The following PLEKHA5 variants were observed in gnomAD, a reference collection of about 807,000 sequenced individuals.
PLEKHA5 encodes pleckstrin homology domain containing A5, also known as pleckstrin homology domain-containing family A member 5.
In PLEKHA5, 55 loss-of-function variants were observed where a neutral mutation model predicts 181.9. The observed-to-expected ratio is 0.30, with a 90% CI of 0.24 to 0.38. The LOEUF (loss-of-function observed/expected upper bound fraction) is 0.38, where lower values mean the gene tolerates loss of function less well. Ranked by LOEUF, PLEKHA5 falls within the 10% of genes least tolerant of loss-of-function variation. PLEKHA5 has a pLI of 1.00. For synonymous variants in PLEKHA5, 535 were observed against 529.4 expected, an observed-to-expected ratio of 1.01 and a Z score of -0.15; for missense variants, 1,432 against 1,549.5, an observed-to-expected ratio of 0.92 and a Z score of 1.27.
intron 3 of PLEKHA5, among the ~76,000 whole-genome samples, chr12:19,211,026 G>A (rs1393244075): frequency 6.6e-6 from 1 of 151,988 alleles, no homozygotes; most frequent in Non-Finnish European, 1.5e-5. Context: ...TGTATTTTAA[G>A]GCTTAAGGAG....
Position 19,283,489 on chromosome 12 carries a change from A to C in PLEKHA5, c.1523A>C (p.Gln508Pro), listed in dbSNP as rs753134124. ...TCCATGAGAGATGACACAATGTGGC[A>C]GCTCTACGAATGGCAGCAGCGTCAG... Reference protein sequence around the residue: ...RRSMRDDTMWQLYEWQQRQFY... With the variant: ...RRSMRDDTMWPLYEWQQRQFY... Residue 508 changes from glutamine (Q) to proline (P), a missense_variant, in exon 12 of 32, where the codon CAG (glutamine) becomes CCG (proline). Physicochemically the swap from Gln to Pro is moderately conservative, Grantham distance 76. Coordinates refer to ENST00000429027, the MANE Select transcript of PLEKHA5 (RefSeq NM_001256470.2). The C allele has an allele frequency of 7.4e-6, 12 of 1,614,200 alleles. No individual in the cohort carries two copies. The East Asian group carries it at 2.5e-4, about 33-fold the overall frequency.
chr12:19,297,401 T>A (rs1565581917), intron 15 of PLEKHA5, among the ~76,000 whole-genome samples: 1 of 150,934 alleles, frequency 6.6e-6, no homozygotes, highest in Non-Finnish European at 1.5e-5. Context: ...GGCAGGTGGA[T>A]CATGAGGTCA....
intron 3 of PLEKHA5, among the ~76,000 whole-genome samples, chr12:19,142,989 A>G (rs916439364): frequency 1.3e-5 from 2 of 152,222 alleles, no homozygotes; most frequent in African/African-American, 4.8e-5. Context: ...GAATATGATG[A>G]ATAATATTCC....
At chr12:19,314,560 T>A (rs1364667643) in intron 15 of PLEKHA5, among the ~76,000 whole-genome samples, 1 of 152,148 alleles carries the variant, frequency 6.6e-6, no homozygotes, top group Non-Finnish European at 1.5e-5. Flanking sequence ...GACTATATCA[T>A]GATTATATGT....
At chr12:19,345,778 T>A in intron 22 of PLEKHA5, 64 bp from the exon 23 acceptor site, 1 of 806,074 alleles carries the variant, frequency 1.2e-6, no homozygotes, top group Non-Finnish European at 2.0e-6. Context: ...ACAAAAGAAA[T>A]TGTTCTTTTT....
In PLEKHA5 at chr12:19,232,204, G is replaced by A. The variant is rs553480795; in HGVS notation, c.228-21736G>A. Among the ~76,000 whole-genome samples the A allele has an allele frequency of 7.9e-5, 12 of 152,240 alleles. No homozygotes were observed. In the South Asian group the frequency reaches 2.5e-3, roughly 32 times the overall value. On this transcript the variant is annotated intron_variant, in intron 3 of 31. Transcript: ENST00000429027. The stretch of plus-strand genomic sequence containing the variant: ...TTGTGCAAGATAGTTTATATTAACA[G>A]ATTATTTGAGATGGAAGTACCCATG...
chr12:19,265,730 G>T lies in PLEKHA5; in HGVS notation c.611-20G>T. 1 of 1,292,292 alleles carries T rather than the reference G, an allele frequency of 7.7e-7. No individual in the cohort carries two copies. The highest frequency in any genetic ancestry group is 1.3e-5 in the South Asian group (1 of 78,812). The allele number at this position is 1,292,292 out of a possible 1,614,324, so 80.1% of individuals were successfully genotyped here. ...ATAAGAACATTTAAAATTCTAATCAGATGTTAAATTATCTCTTAGATGAGA... is the reference window on the plus strand; with the variant it reads ...ATAAGAACATTTAAAATTCTAATCATATGTTAAATTATCTCTTAGATGAGA... On this transcript the variant is annotated intron_variant, in intron 7 of 31. Coordinates refer to ENST00000429027, the MANE Select transcript of PLEKHA5 (RefSeq NM_001256470.2).
chr12:19,300,438 T>G (rs7309621), intron 15 of PLEKHA5, among the ~76,000 whole-genome samples: 1 of 152,222 alleles, frequency 6.6e-6, no homozygotes, highest in South Asian at 2.1e-4. Context: ...AAATACTATT[T>G]TACAGTTACA....
chr12:19,279,216 T>C (rs534159951), intron 11 of PLEKHA5, among the ~76,000 whole-genome samples: 150 of 152,288 alleles, frequency 9.8e-4, no homozygotes, highest in African/African-American at 3.4e-3. Context: ...TTAAAAATAA[T>C]ATTCATATCG....
Position 19,322,383 on chromosome 12 carries a change from A to G in PLEKHA5, c.2291A>G (p.Lys764Arg), listed in dbSNP as rs2091084856. 6.2e-7 allele frequency: 1 copy of G among 1,606,866 alleles called. No homozygotes were observed. Among genetic ancestry groups the G allele is most frequent in the Non-Finnish European group, 8.5e-7 (1 of 1,173,632 alleles). ...ALEEKLQQLH[K>R]EKYTLEQALL... is the part of the protein sequence containing the mutation. ...GAAGAGAAACTTCAGCAACTCCACA[A>G]GGAGAAAGTAGGACAATTATGTTTA... The change falls in exon 19 of 32, where the codon AAG becomes AGG. Residue 764 changes from lysine (K) to arginine (R), a missense_variant. Physicochemically the swap from Lys to Arg is conservative, Grantham distance 26. Coordinates refer to ENST00000429027, the MANE Select transcript of PLEKHA5 (RefSeq NM_001256470.2).
At chr12:19,157,569 T>C (rs1003633822) in intron 3 of PLEKHA5, among the ~76,000 whole-genome samples, 1 of 152,208 alleles carries the variant, frequency 6.6e-6, no homozygotes, top group African/African-American at 2.4e-5. Flanking sequence ...TTATCTTCTG[T>C]TTATGGAACA....
chr12:19,173,707 G>C (rs753412065), intron 3 of PLEKHA5, among the ~76,000 whole-genome samples: 8 of 152,174 alleles, frequency 5.3e-5, no homozygotes, highest in Non-Finnish European at 7.3e-5. Flanking sequence ...CAGCCTAGGG[G>C]ATAGCTTAAG....
In PLEKHA5 at chr12:19,322,652, T is replaced by C; in HGVS notation, c.2433T>C (p.Leu811=). The change falls in exon 20 of 32, where the codon CTT becomes CTC. Residue 811 remains leucine (L), a synonymous_variant. Transcript: ENST00000429027. The part of the protein sequence containing the change: ...QNGLLSTCRE[L]SRATAELERA... ...GACTGCTTAGTACGTGTCGAGAACT[T>C]TCTCGAGCCACTGCCGTAAGTAGAT... 6.2e-7 allele frequency: 1 copy of C among 1,612,432 alleles called. No homozygotes were observed. The highest frequency in any genetic ancestry group is 8.5e-7 in the Non-Finnish European group (1 of 1,179,318).
At chr12:19,356,480 C>G (rs1328554098) in intron 26 of PLEKHA5, among the ~76,000 whole-genome samples, 1 of 151,800 alleles carries the variant, frequency 6.6e-6, no homozygotes, top group East Asian at 1.9e-4. Flanking sequence ...CTCCACTGCA[C>G]CCCAGCCTAG....
chr12:19,244,081 A>T (rs1254317328), intron 3 of PLEKHA5, among the ~76,000 whole-genome samples: 1 of 152,152 alleles, frequency 6.6e-6, no homozygotes, highest in Admixed American at 6.5e-5. Flanking sequence ...AATAATTTTT[A>T]AATTACTTGA....
intron 3 of PLEKHA5, among the ~76,000 whole-genome samples, chr12:19,180,921 C>A (rs1447947754): frequency 6.6e-6 from 1 of 151,618 alleles, no homozygotes; most frequent in Non-Finnish European, 1.5e-5. Context: ...AGTCAGACAC[C>A]TCTGGTGTGG....
intron 20 of PLEKHA5, among the ~76,000 whole-genome samples, chr12:19,334,394 A>G (rs1465162302): frequency 6.6e-6 from 1 of 152,196 alleles, no homozygotes; most frequent in East Asian, 1.9e-4. Flanking sequence ...TGTATTTTTA[A>G]TGTTTCTTTA....
chr12:19,352,946 CTT>C (rs33957042), intron 25 of PLEKHA5, among the ~76,000 whole-genome samples: 2 of 134,450 alleles, frequency 1.5e-5, no homozygotes, highest in Non-Finnish European at 1.6e-5. Flanking sequence ...CCACACCCAG[CTT>C]TTTTTTTTTT....
At chr12:19,161,857 G>C (rs776220638) in intron 3 of PLEKHA5, among the ~76,000 whole-genome samples, 21 of 152,294 alleles carry the variant, frequency 1.4e-4, no homozygotes, top group Non-Finnish European at 2.4e-4. Flanking sequence ...AACCAAGATT[G>C]AGTATGTGGA....
Sources: gnomAD v4.1 joint callset for allele counts (sites outside exome capture counted in the v4.1 genomes callset) on GRCh38, gnomAD v4.1.1 for gene constraint, MANE v1.5 for transcripts, NCBI Gene and HGNC (gene_info 2026-07-23, HGNC 2026-07-21) for gene names.